Variants in VAV3 observed in about 807,000 individuals in gnomAD.
VAV3 encodes guanine nucleotide exchange factor VAV3.
A neutral mutation model predicts 131.2 loss-of-function variants in VAV3; 94 were observed. That is an observed-to-expected ratio of 0.72 (90% CI 0.61 to 0.85). VAV3 has a LOEUF of 0.85. VAV3 is among the 40% of genes least tolerant of loss of function. The pLI is 0.00. For missense variants in VAV3, 939 were observed against 1,002.7 expected, an observed-to-expected ratio of 0.94 and a Z score of 0.86; for synonymous variants, 349 against 342.0, an observed-to-expected ratio of 1.02 and a Z score of -0.22.
intron 2 of VAV3, among the ~76,000 whole-genome samples, chr1:107,856,924 A>G (rs542568803): frequency 8.5e-4 from 130 of 152,212 alleles, no homozygotes; most frequent in Non-Finnish European, 1.2e-3. Context: ...CTATAGTCCT[A>G]GTTACTTGGC....
chr1:107,774,642 C>T (rs376085128), intron 4 of VAV3, among the ~76,000 whole-genome samples: 6 of 152,086 alleles, frequency 3.9e-5, no homozygotes, highest in Admixed American at 6.5e-5. Flanking sequence ...GCATGTCTGG[C>T]GCCCTGATAC....
chr1:107,704,481 G>A, intron 17 of VAV3, 69 bp downstream of exon 17: 2 of 1,166,884 alleles, frequency 1.7e-6, no homozygotes, highest in Non-Finnish European at 2.6e-6. Context: ...AGTAAATTAG[G>A]CCTTAATTAT....
intron 17 of VAV3, among the ~76,000 whole-genome samples, chr1:107,692,767 A>G (rs1047611665): frequency 6.6e-6 from 1 of 152,196 alleles, no homozygotes; most frequent in Non-Finnish European, 1.5e-5. Flanking sequence ...TAAAAGTGCA[A>G]TTAAACAGAT....
At chr1:107,785,398 G>C in intron 2 of VAV3, 1 of 1,303,558 alleles carries the variant, frequency 7.7e-7, no homozygotes, top group Non-Finnish European at 1.0e-6. Context: ...CAAAAGGAAA[G>C]GCCGGGTTCA....
At chr1:107,668,368 C>T (rs532061218) in intron 19 of VAV3, among the ~76,000 whole-genome samples, 40 of 152,288 alleles carry the variant, frequency 2.6e-4, no homozygotes, top group African/African-American at 7.2e-4. Context: ...TCAGTTTCAG[C>T]GTTTATTACT....
chr1:107,758,361 G>A (rs1188071215), intron 10 of VAV3, among the ~76,000 whole-genome samples: 2 of 152,056 alleles, frequency 1.3e-5, no homozygotes, highest in African/African-American at 4.8e-5. Flanking sequence ...CTTGAGTCCA[G>A]GAATTTGAGA....
chr1:107,712,069 C>T (rs187065201), intron 15 of VAV3, among the ~76,000 whole-genome samples: 28 of 152,268 alleles, frequency 1.8e-4, no homozygotes, highest in African/African-American at 6.0e-4. Flanking sequence ...AACCTCTCTC[C>T]GATTTACAAA....
intron 2 of VAV3, among the ~76,000 whole-genome samples, chr1:107,808,890 T>A (rs1459533756): frequency 2.0e-5 from 3 of 152,308 alleles, no homozygotes; most frequent in East Asian, 3.9e-4. Context: ...TTATTCCTGA[T>A]AATAAATTCC....
In VAV3 at chr1:107,770,704, T is replaced by G. The variant is rs777628963; in HGVS notation, c.580A>C (p.Ser194Arg). The G allele has an allele frequency of 6.2e-7, 1 of 1,611,768 alleles. No homozygotes were observed. The highest frequency in any genetic ancestry group is 1.7e-5 in the Admixed American group (1 of 59,792). ...TGCTTAATTTCTGCTAGACAACAAC[T>G]TCGTATATCATTTTCTGGACATTTC... ...QPKCPENDIR[S>R]CCLAEIKQTE... The change falls in exon 6 of 27, where the codon AGT becomes CGT. Residue 194 changes from serine to arginine, a missense_variant. Physicochemically the swap from Ser to Arg is moderately radical, Grantham distance 110 (BLOSUM62 -1). Coordinates refer to ENST00000370056, the MANE Select transcript of VAV3 (RefSeq NM_006113.5).
chr1:107,915,822 T>TCC (rs1273289760), intron 1 of VAV3, among the ~76,000 whole-genome samples: 3 of 152,200 alleles, frequency 2.0e-5, no homozygotes, highest in Admixed American at 6.5e-5. Flanking sequence ...ATATGTGCTG[T>TCC]GGACTTACTA....
At chr1:107,842,274 G>T (rs1388372400) in intron 2 of VAV3, among the ~76,000 whole-genome samples, 1 of 152,132 alleles carries the variant, frequency 6.6e-6, no homozygotes, top group East Asian at 1.9e-4. Flanking sequence ...TAGCTGAATG[G>T]CAAGGGAAGG....
At chr1:107,859,271 A>G (rs1669626572) in intron 2 of VAV3, among the ~76,000 whole-genome samples, 1 of 151,988 alleles carries the variant, frequency 6.6e-6, no homozygotes, top group Non-Finnish European at 1.5e-5. Context: ...AAACCTCACT[A>G]TGTTACCCAG....
rs991699559 is a variant in VAV3 at position 107,744,280 on chromosome 1, T to C, written c.1502+4688A>G. On this transcript the variant is annotated intron_variant, in intron 15 of 26. Transcript: ENST00000370056. Reference sequence around the variant, plus strand: ...TAGACAGGCCTGACCTCTATGCTATTTTCCCTTAGGTAAGCCATGTAGAAC... The same window carrying C: ...TAGACAGGCCTGACCTCTATGCTATCTTCCCTTAGGTAAGCCATGTAGAAC... 2.6e-5 allele frequency among the ~76,000 whole-genome samples: 4 copies of C among 152,332 alleles called. No individual in the cohort carries two copies. The East Asian group carries it at 7.7e-4, about 29-fold the overall frequency.
intron 1 of VAV3, among the ~76,000 whole-genome samples, chr1:107,891,284 G>A (rs1207842768): frequency 6.6e-6 from 1 of 152,136 alleles, no homozygotes; most frequent in Non-Finnish European, 1.5e-5. Flanking sequence ...GGTAGTGATA[G>A]TCATTCTCTC....
chr1:107,844,118 C>T (rs1404911628), intron 2 of VAV3, among the ~76,000 whole-genome samples: 2 of 151,914 alleles, frequency 1.3e-5, no homozygotes, highest in Non-Finnish European at 2.9e-5. Flanking sequence ...AACTGAGGTA[C>T]CCAGCTCATT....
chr1:107,585,054 A>G (rs1346503623), intron 25 of VAV3, among the ~76,000 whole-genome samples: 1 of 152,210 alleles, frequency 6.6e-6, no homozygotes, highest in African/African-American at 2.4e-5. Context: ...AGAGATATGG[A>G]AATGATTGAT....
intron 1 of VAV3, among the ~76,000 whole-genome samples, chr1:107,940,102 T>C (rs1316663311): frequency 1.3e-5 from 2 of 152,214 alleles, no homozygotes. Context: ...TTTCGTATTC[T>C]ATATTACCAG....
chr1:107,793,013 A>T (rs1666368016), intron 2 of VAV3, among the ~76,000 whole-genome samples: 1 of 152,164 alleles, frequency 6.6e-6, no homozygotes, highest in East Asian at 1.9e-4. Flanking sequence ...TACCTCACCC[A>T]AACAAAAATG....
chr1:107,786,049 C>T (rs951200891), intron 2 of VAV3, among the ~76,000 whole-genome samples: 6 of 152,290 alleles, frequency 3.9e-5, no homozygotes, highest in South Asian at 2.1e-4. Flanking sequence ...CTGTGGGATG[C>T]TGTTGAAAAA....
Sources: gnomAD v4.1 joint callset for allele counts (sites outside exome capture counted in the v4.1 genomes callset) on GRCh38, gnomAD v4.1.1 for gene constraint, MANE v1.5 for transcripts, NCBI Gene and HGNC (gene_info 2026-07-23, HGNC 2026-07-21) for gene names.